C5orf58: variants seen among roughly 807,000 people sequenced by gnomAD.
C5orf58 encodes the protein putative uncharacterized protein C5orf58.
C5orf58 carries 2 observed loss-of-function variants against 2.9 expected under a neutral mutation model. The ratio of observed to expected loss-of-function variants is 0.69; its 90% CI spans 0.28 to 2.18. The LOEUF (loss-of-function observed/expected upper bound fraction) is 2.18, where lower values mean the gene tolerates loss of function less well. Among genes scored for constraint, C5orf58 ranks in the 30% most tolerant of loss-of-function variants. The pLI, the probability that C5orf58 is intolerant of heterozygous loss-of-function variation, is 0.13. For missense variants in C5orf58, 96 were observed against 91.7 expected (o/e 1.05, Z -0.19); for synonymous variants, 37 against 33.4 (o/e 1.11, Z -0.37).
chr5:170,233,291 C>G (rs567981299), intron 1 of C5orf58: 1 of 152,390 alleles, frequency 6.6e-6, no homozygotes, highest in African/African-American at 2.4e-5. Flanking sequence ...TTAGTAAGCC[C>G]CAAAGGTTCA....
At chr5:170,236,234 C>T (rs564973399) in intron 3 of C5orf58, among the ~76,000 whole-genome samples, 3 of 151,812 alleles carry the variant, frequency 2.0e-5, no homozygotes, top group Admixed American at 2.0e-4. Context: ...AGGGCATGGC[C>T]GTTCGTTAGG....
chr5:170,235,128 C>G, intron 3 of C5orf58, 58 bp downstream of exon 3: 1 of 912,686 alleles, frequency 1.1e-6, no homozygotes, highest in Non-Finnish European at 1.7e-6. Flanking sequence ...AATGATAGAG[C>G]CAGTTTGTGT....
At chr5:170,249,285 A>G (rs1302834252), downstream of C5orf58, among the ~76,000 whole-genome samples, 1 of 151,712 alleles carries the variant, frequency 6.6e-6, no homozygotes, top group Non-Finnish European at 1.5e-5. Context: ...AGATTGCGCC[A>G]TTGCCGCACT....
chr5:170,233,958 C>T (rs531356868), intron 1 of C5orf58, 157 bp from the exon 2 acceptor site: 12 of 376,530 alleles, frequency 3.2e-5, no homozygotes, highest in Middle Eastern at 7.8e-4. Flanking sequence ...TTCTTTAATT[C>T]CACCACTCCA....
chr5:170,250,859 G>C, downstream of C5orf58: 5 of 1,613,438 alleles, frequency 3.1e-6, no homozygotes, highest in Non-Finnish European at 4.2e-6. Flanking sequence ...TTTTTTTAGA[G>C]CTGTCTCTGA....
exon 3 of C5orf58, chr5:170,251,947 A>C: frequency 4.0e-6 from 1 of 249,508 alleles, no homozygotes; most frequent in South Asian, 4.5e-5. Flanking sequence ...AAGTTTCGGC[A>C]CTGGCTACGG....
chr5:170,251,022 T>G, downstream of C5orf58: 1 of 625,566 alleles, frequency 1.6e-6, no homozygotes, highest in Non-Finnish European at 2.8e-6. Flanking sequence ...GCAAAACCTG[T>G]CATTCAACGA....
chr5:170,243,836 G>T (rs1581046255), intron 3 of C5orf58, among the ~76,000 whole-genome samples: 1 of 147,714 alleles, frequency 6.8e-6, no homozygotes, highest in South Asian at 2.3e-4. Context: ...GTTAGCTGGT[G>T]ATTTTGCTCA....
intron 3 of C5orf58, among the ~76,000 whole-genome samples, chr5:170,236,638 T>TA (rs774142172): frequency 4.1e-4 from 62 of 152,298 alleles, no homozygotes; most frequent in Admixed American, 1.1e-3. Context: ...TCTAGTCTCT[T>TA]ACTCTGTTCT....
chr5:170,240,612 T>G lies in C5orf58; in HGVS notation c.95-5350T>G, dbSNP rs1280280492. 2.6e-5 allele frequency among the ~76,000 whole-genome samples: 4 copies of G among 151,926 alleles called. No homozygotes were observed. The East Asian group carries it at 7.7e-4, about 29-fold the overall frequency. ...CTGTTCATGTCCTTCGCCCACTTTT[T>G]GATGGGGTTGTTTGTTTTTTTCTTG... On this transcript the variant is annotated intron_variant, in intron 3 of 3. Transcript: ENST00000593851.
chr5:170,237,342 C>T (rs574642515), intron 3 of C5orf58: 1 of 398,392 alleles, frequency 2.5e-6, no homozygotes, highest in South Asian at 1.3e-4. Flanking sequence ...CATAAATGAA[C>T]TCTCTTCATC....
chr5:170,249,714 A>G, downstream of C5orf58, among the ~76,000 whole-genome samples: 1 of 152,160 alleles, frequency 6.6e-6, no homozygotes, highest in East Asian at 1.9e-4. Flanking sequence ...CATAGCCTGG[A>G]TCGCCCCAGC....
downstream of C5orf58, chr5:170,248,625 T>C (rs1761352623): frequency 1.3e-6 from 2 of 1,569,684 alleles, no homozygotes; most frequent in African/African-American, 1.4e-5. Context: ...TGTTTGTCCA[T>C]TGACCAAGGC....
chr5:170,247,396 T>C (rs765220160), downstream of C5orf58: 2 of 152,226 alleles, frequency 1.3e-5, no homozygotes, highest in Non-Finnish European at 1.5e-5. Context: ...ACTTCTTAGA[T>C]TCCTTCCAAT....
chr5:170,236,337 G>A (rs1254144083), intron 3 of C5orf58, among the ~76,000 whole-genome samples: 12 of 152,132 alleles, frequency 7.9e-5, no homozygotes, highest in Admixed American at 2.0e-4. Context: ...GCTGTTTCAA[G>A]CAATGTTAAT....
rs1760635775 is a variant in C5orf58 at position 170,234,051 on chromosome 5, G to A, written c.-84-64G>A. Reference sequence around the variant, plus strand: ...GCCCAAGGAAGGCAGCTGACATCCTGGAGAATGGGGTCTTGGGGGTAGATG... The same window carrying A: ...GCCCAAGGAAGGCAGCTGACATCCTAGAGAATGGGGTCTTGGGGGTAGATG... On this transcript the variant is annotated intron_variant, in intron 1 of 3. Coordinates refer to ENST00000593851, the MANE Select transcript of C5orf58 (RefSeq NM_001102609.3). The A allele has an allele frequency of 9.3e-6, 9 of 969,136 alleles. No homozygotes were observed. The South Asian group carries it at 1.1e-4, about 11-fold the overall frequency. The allele number at this position is 969,136 out of a possible 1,614,324, so 60.0% of individuals were successfully genotyped here.
chr5:170,248,851 C>T, downstream of C5orf58: 2 of 1,606,230 alleles, frequency 1.2e-6, no homozygotes, highest in Non-Finnish European at 8.5e-7. Context: ...GATGAGTCAA[C>T]ATTGGAATGA....
chr5:170,244,839 GGAGGA>G (rs1255104427), intron 3 of C5orf58, among the ~76,000 whole-genome samples: 1 of 152,152 alleles, frequency 6.6e-6, no homozygotes, highest in Non-Finnish European at 1.5e-5. Flanking sequence ...GTGTTCCTTT[GGAGGA>G]GGAGAGGCGC....
intron 3 of C5orf58, among the ~76,000 whole-genome samples, chr5:170,241,856 A>G (rs1314379427): frequency 1.3e-5 from 2 of 151,146 alleles, no homozygotes; most frequent in Non-Finnish European, 3.0e-5. Flanking sequence ...GTCTTGTGCC[A>G]GTTTTCAATG....
Sources: gnomAD v4.1 joint callset for allele counts (sites outside exome capture counted in the v4.1 genomes callset) on GRCh38, gnomAD v4.1.1 for gene constraint, MANE v1.5 for transcripts, NCBI Gene and HGNC (gene_info 2026-07-23, HGNC 2026-07-21) for gene names.